The following IGF2R variants were observed in gnomAD, a reference collection of about 807,000 sequenced individuals.
The protein encoded by IGF2R is cation-independent mannose-6-phosphate receptor.
Under a neutral mutation model 270.6 loss-of-function variants are expected in IGF2R, and 91 were observed. That is an observed-to-expected ratio of 0.34 (90% CI 0.28 to 0.40). The LOEUF is 0.40. IGF2R is among the 10% of genes least tolerant of loss of function. The probability of loss-of-function intolerance (pLI) is 1.00; values close to 1 mark genes in which losing one functional copy is unlikely to be tolerated. For missense variants in IGF2R, 2,805 were observed against 3,188.3 expected, an observed-to-expected ratio of 0.88 and a Z score of 2.90; for synonymous variants, 1,316 against 1,258.9, an observed-to-expected ratio of 1.05 and a Z score of -0.96.
rs112194484 is a variant in IGF2R, at chr6:160,016,676, A to G, written c.513+5891A>G. ...CATCATCCCTCACCACACCCTGGCT[A>G]CTCAGAAGGCCCTGAGCCTGCTCAC... is the stretch of plus-strand genomic sequence containing the variant. On this transcript the variant is annotated intron_variant, in intron 4 of 47. Coordinates refer to ENST00000356956, the MANE Select transcript of IGF2R (RefSeq NM_000876.4). Among the ~76,000 whole-genome samples the G allele has an allele frequency of 3.9e-5, 6 of 152,320 alleles. 1 individual carries two copies. The highest frequency in any genetic ancestry group is 1.4e-4 in the African/African-American group (6 of 41,578).
At chr6:160,024,252 A>G (rs145175628) in intron 4 of IGF2R, among the ~76,000 whole-genome samples, 28 of 152,290 alleles carry the variant, frequency 1.8e-4, no homozygotes, top group African/African-American at 6.7e-4. Context: ...AGGGGAATGT[A>G]GGGACCAGGA....
Position 160,084,607 on chromosome 6 carries a change from C to T in IGF2R, c.6069-388C>T, listed in dbSNP as rs1280322039. ...GGGAGCGCCCGCTTGGCCAGGTGCT[C>T]CTGCAAGACATCACCGAGGAGCAGG... is the stretch of plus-strand genomic sequence containing the variant. On this transcript the variant is annotated intron_variant, in intron 40 of 47. Coordinates refer to ENST00000356956, the MANE Select transcript of IGF2R (RefSeq NM_000876.4). The surrounding 1 kb of genome is among the most constrained non-coding windows in gnomAD (Gnocchi z 4.6). 1.3e-5 allele frequency among the ~76,000 whole-genome samples: 2 copies of T among 152,160 alleles called. No homozygotes were observed. The highest frequency in any genetic ancestry group is 1.5e-5 in the Non-Finnish European group (1 of 68,030).
chr6:160,097,106 T>A (rs1352683446), intron 45 of IGF2R, among the ~76,000 whole-genome samples: 2 of 152,236 alleles, frequency 1.3e-5, no homozygotes, highest in Non-Finnish European at 2.9e-5. Context: ...GCAGTATTTT[T>A]ACGTTTGTTT....
chr6:160,068,390 G>A lies in IGF2R; in HGVS notation c.4252+5G>A. 6.2e-7 allele frequency: 1 copy of A among 1,613,682 alleles called. No individual in the cohort carries two copies. Among genetic ancestry groups the A allele is most frequent in the Non-Finnish European group, 8.5e-7 (1 of 1,179,992 alleles). On this transcript the variant is annotated splice_donor_5th_base_variant and intron_variant, in intron 30 of 47. Transcript: ENST00000356956. The stretch of plus-strand genomic sequence containing the variant: ...TGGCCCCGCAGGCTGGCACTGGTGA[G>A]AGAGGGCCTCCTCGTGGGGTGGTGT...
chr6:160,078,958 A>G (rs1778914673), intron 37 of IGF2R, among the ~76,000 whole-genome samples: 1 of 152,052 alleles, frequency 6.6e-6, no homozygotes, highest in African/African-American at 2.4e-5. Flanking sequence ...CTGACTCCCT[A>G]AGCCTAGATA....
At chr6:160,015,356 T>G (rs1583260919) in intron 4 of IGF2R, among the ~76,000 whole-genome samples, 1 of 152,330 alleles carries the variant, frequency 6.6e-6, no homozygotes, top group Middle Eastern at 3.4e-3. Flanking sequence ...AAATAAAACT[T>G]ACAGGAATGT....
At chr6:160,064,296 C>T in intron 27 of IGF2R, 105 bp from the exon 28 acceptor site, 3 of 1,318,060 alleles carry the variant, frequency 2.3e-6, no homozygotes, top group African/African-American at 1.4e-5. Context: ...GCCAGGGATA[C>T]TTTGTCTCAC....
intron 33 of IGF2R, 59 bp downstream of exon 33, chr6:160,072,943 A>C: frequency 1.3e-6 from 2 of 1,551,060 alleles, no homozygotes; most frequent in Non-Finnish European, 1.7e-6. Flanking sequence ...GGTTGTCCTC[A>C]GTCTCTTTGC....
chr6:160,044,420 T>G, intron 12 of IGF2R, 94 bp from the exon 13 acceptor site: 1 of 1,119,902 alleles, frequency 8.9e-7, no homozygotes, highest in South Asian at 1.4e-5. Flanking sequence ...CTTTCTTTCT[T>G]TCTCTTTCTT....
At chr6:160,103,703 C>T (rs777663650) in intron 46 of IGF2R, 43 bp from the exon 47 acceptor site, 1 of 1,448,472 alleles carries the variant, frequency 6.9e-7, no homozygotes, top group South Asian at 1.1e-5. Flanking sequence ...CTGCCCATGC[C>T]CTCTCTACAC....
At chr6:160,080,351 T>G (rs1331207441) in intron 39 of IGF2R, 76 bp downstream of exon 39, 16 of 1,392,834 alleles carry the variant, frequency 1.1e-5, no homozygotes, top group Non-Finnish European at 1.6e-5. Flanking sequence ...ACTGAGACCT[T>G]TGTGGATGCC....
At chr6:160,089,055 C>G in intron 42 of IGF2R, 52 bp from the exon 43 acceptor site, 1 of 1,582,700 alleles carries the variant, frequency 6.3e-7, no homozygotes, top group African/African-American at 1.3e-5. Context: ...TTGCAGTCTT[C>G]CCTTATGTCT....
chr6:160,075,333 C>T lies in IGF2R; in HGVS notation c.5167-514C>T, dbSNP rs77651585. On this transcript the variant is annotated intron_variant, in intron 35 of 47. Coordinates refer to ENST00000356956, the MANE Select transcript of IGF2R (RefSeq NM_000876.4). Reference sequence around the variant, plus strand: ...CTAAGCAATGAAAATGAACAGTGAACACCTCCTGTCCCCTCTCCCAAGGAC... The same window carrying T: ...CTAAGCAATGAAAATGAACAGTGAATACCTCCTGTCCCCTCTCCCAAGGAC... Among the ~76,000 whole-genome samples, 476 of 152,312 alleles carry T rather than the reference C, an allele frequency of 3.1e-3. 5 individuals are homozygous for T. Among genetic ancestry groups the T allele is most frequent in the African/African-American group, 0.011 (460 of 41,578 alleles).
At chr6:160,048,710 G>A (rs1215860773) in intron 18 of IGF2R, among the ~76,000 whole-genome samples, 167 bp downstream of exon 18, 1 of 152,228 alleles carries the variant, frequency 6.6e-6, no homozygotes, top group Admixed American at 6.5e-5. Context: ...TCCTGTAGGA[G>A]CAGAAGTGTG....
Position 159,991,265 on chromosome 6 carries a change from C to T in IGF2R, c.231C>T (p.Cys77=), listed in dbSNP as rs140560792. 354 of 1,613,656 alleles carry T rather than the reference C, an allele frequency of 2.2e-4. No homozygotes were observed. The highest frequency in any genetic ancestry group is 2.8e-4 in the Non-Finnish European group (329 of 1,179,734). Residue 77 remains cysteine (C), a synonymous_variant, in exon 2 of 48, where the codon TGC becomes TGT. Coordinates refer to ENST00000356956, the MANE Select transcript of IGF2R (RefSeq NM_000876.4). ...NICGSVDIVQ[C]GPSSAVCMHD... Reference sequence around the variant, plus strand: ...GTGGAAGTGTGGATATTGTCCAGTGCGGGCCATCAAGTGCTGTTTGTATGC... The same window carrying T: ...GTGGAAGTGTGGATATTGTCCAGTGTGGGCCATCAAGTGCTGTTTGTATGC...
intron 2 of IGF2R, among the ~76,000 whole-genome samples, chr6:159,996,390 G>T (rs1784054110): frequency 6.6e-6 from 1 of 152,172 alleles, no homozygotes; most frequent in African/African-American, 2.4e-5. Context: ...GTTGCTTCAG[G>T]CAGTGGAGTG....
At chr6:160,053,970 C>G (rs1388230149) in intron 19 of IGF2R, among the ~76,000 whole-genome samples, 3 of 152,284 alleles carry the variant, frequency 2.0e-5, no homozygotes, top group African/African-American at 7.2e-5. Context: ...CCTCCTGCCT[C>G]AGCTTCCTAA....
rs752475324 is a variant in IGF2R, at chr6:160,085,054, C to T, written c.6128C>T (p.Ala2043Val). ...YKGPLGCSER[A>V]SICRRTTTGD... ...GGGCCCCTGGGCTGCTCTGAAAGGG[C>T]CAGCATTTGCAGAAGGACCACAACT... Residue 2043 changes from alanine (A) to valine (V), a missense_variant, in exon 41 of 48, where the codon GCC (alanine) becomes GTC (valine). Transcript: ENST00000356956. 1 of 1,614,002 alleles carries T rather than the reference C, an allele frequency of 6.2e-7. No homozygotes were observed. Among genetic ancestry groups the T allele is most frequent in the South Asian group, 1.1e-5 (1 of 91,074 alleles).
chr6:160,085,579 T>C (rs563733841), intron 41 of IGF2R, among the ~76,000 whole-genome samples: 59 of 152,350 alleles, frequency 3.9e-4, no homozygotes, highest in Non-Finnish European at 7.5e-4. Flanking sequence ...ATTGATCTTG[T>C]ACTTGGTTGC....
Sources: allele counts gnomAD v4.1 joint callset (sites outside exome capture counted in the v4.1 genomes callset), GRCh38; gene constraint gnomAD v4.1.1; non-coding constraint Gnocchi (gnomAD v3.1); transcripts MANE v1.5; gene names NCBI Gene and HGNC (gene_info 2026-07-23, HGNC 2026-07-21).